The following VPS13B variants were observed in gnomAD, a reference collection of about 807,000 sequenced individuals.
VPS13B encodes intermembrane lipid transfer protein VPS13B.
In VPS13B, 285 loss-of-function variants were observed where a neutral mutation model predicts 426.4. The ratio of observed to expected loss-of-function variants is 0.67; its 90% CI spans 0.61 to 0.74. The LOEUF (loss-of-function observed/expected upper bound fraction) is 0.74, where lower values mean the gene tolerates loss of function less well. Ranked by LOEUF, VPS13B falls within the 30% of genes least tolerant of loss-of-function variation. The pLI is 0.00. For missense variants in VPS13B, 4,537 were observed against 4,782.6 expected, an observed-to-expected ratio of 0.95 and a Z score of 1.51; for synonymous variants, 1,676 against 1,676.4, an observed-to-expected ratio of 1.00 and a Z score of 0.01.
At chr8:99,344,783 T>C (rs1811447792) in intron 19 of VPS13B, among the ~76,000 whole-genome samples, 1 of 152,122 alleles carries the variant, frequency 6.6e-6, no homozygotes, top group African/African-American at 2.4e-5. Context: ...AGATTCTAAT[T>C]CTTGGCAATT....
intron 21 of VPS13B, among the ~76,000 whole-genome samples, chr8:99,410,488 C>T (rs1017365848): frequency 3.9e-5 from 6 of 152,022 alleles, no homozygotes; most frequent in African/African-American, 1.4e-4. Flanking sequence ...TGGAATCTTT[C>T]CTGCCAATAT....
intron 35 of VPS13B, among the ~76,000 whole-genome samples, chr8:99,682,972 A>G (rs987137977): frequency 1.3e-5 from 2 of 152,120 alleles, no homozygotes; most frequent in African/African-American, 2.4e-5. Context: ...ATTTTCTCCT[A>G]TGTTTTCTTC....
chr8:99,758,857 A>G (rs1211750648), intron 39 of VPS13B, among the ~76,000 whole-genome samples: 1 of 152,004 alleles, frequency 6.6e-6, no homozygotes, highest in Non-Finnish European at 1.5e-5. Flanking sequence ...ACTTTGAATA[A>G]AATTTTGCTG....
At chr8:99,486,287 G>A (rs1170090628) in intron 25 of VPS13B, among the ~76,000 whole-genome samples, 1 of 151,828 alleles carries the variant, frequency 6.6e-6, no homozygotes, top group African/African-American at 2.4e-5. Context: ...GTGCAGTGGC[G>A]CGATCTCGGC....
At chr8:99,420,547 T>C (rs951506759) in intron 21 of VPS13B, among the ~76,000 whole-genome samples, 1 of 152,172 alleles carries the variant, frequency 6.6e-6, no homozygotes, top group African/African-American at 2.4e-5. Flanking sequence ...TTCTATCTAA[T>C]TGGTGGCATG....
At chr8:99,493,404 T>G (rs1403830035) in intron 25 of VPS13B, among the ~76,000 whole-genome samples, 1 of 152,162 alleles carries the variant, frequency 6.6e-6, no homozygotes, top group African/African-American at 2.4e-5. Flanking sequence ...AAAAGTAATC[T>G]TAATTGAAAA....
chr8:99,417,328 C>A (rs1816078822), intron 21 of VPS13B, among the ~76,000 whole-genome samples: 1 of 152,154 alleles, frequency 6.6e-6, no homozygotes, highest in African/African-American at 2.4e-5. Flanking sequence ...CATAATTCTA[C>A]ATAAAAATCA....
intron 19 of VPS13B, among the ~76,000 whole-genome samples, chr8:99,361,537 C>G (rs1284556351): frequency 1.3e-5 from 2 of 152,254 alleles, no homozygotes; most frequent in Non-Finnish European, 2.9e-5. Context: ...TAAAGACCAG[C>G]TTGATTAAAT....
chr8:99,232,003 T>C (rs1310604862), intron 17 of VPS13B, among the ~76,000 whole-genome samples: 2 of 152,206 alleles, frequency 1.3e-5, no homozygotes, highest in Non-Finnish European at 2.9e-5. Context: ...ACAAGTACCA[T>C]TGACTCTTGT....
At chr8:99,041,734 T>C (rs1426165731) in intron 3 of VPS13B, among the ~76,000 whole-genome samples, 2 of 151,838 alleles carry the variant, frequency 1.3e-5, no homozygotes, top group African/African-American at 4.8e-5. Flanking sequence ...GCGCCTGTAG[T>C]CCCAGCTACT....
At chr8:99,493,052 G>A (rs181859329) in intron 25 of VPS13B, among the ~76,000 whole-genome samples, 164 of 152,282 alleles carry the variant, frequency 1.1e-3, no homozygotes, top group Middle Eastern at 3.4e-3. Flanking sequence ...TTCTCTTAAT[G>A]TGACTAATTA....
intron 19 of VPS13B, among the ~76,000 whole-genome samples, chr8:99,320,644 G>C (rs1809925274): frequency 6.6e-6 from 1 of 152,104 alleles, no homozygotes; most frequent in African/African-American, 2.4e-5. Flanking sequence ...TCGTTTATTT[G>C]GCAGAGAAAG....
chr8:99,785,292 G>T (rs1466201835), intron 43 of VPS13B, among the ~76,000 whole-genome samples: 2 of 152,132 alleles, frequency 1.3e-5, no homozygotes, highest in Non-Finnish European at 2.9e-5. Flanking sequence ...GTGATTAAAA[G>T]AAAGTCATTA....
At chr8:99,770,792 A>G (rs1017277319) in intron 40 of VPS13B, among the ~76,000 whole-genome samples, 1 of 152,212 alleles carries the variant, frequency 6.6e-6, no homozygotes, top group Non-Finnish European at 1.5e-5. Flanking sequence ...GGTGCAGTCC[A>G]GAAAGCTCCC....
intron 19 of VPS13B, among the ~76,000 whole-genome samples, chr8:99,286,949 T>G (rs575605802): frequency 6.6e-6 from 1 of 152,168 alleles, no homozygotes. Context: ...TCTGTTGACC[T>G]TAACTTGAGT....
chr8:99,163,032 A>T (rs1263504194), intron 15 of VPS13B, among the ~76,000 whole-genome samples: 2 of 152,202 alleles, frequency 1.3e-5, no homozygotes, highest in Non-Finnish European at 1.5e-5. Flanking sequence ...AGGCCCCACC[A>T]GAGCGGCTAG....
chr8:99,469,188 G>A (rs1279269212), intron 24 of VPS13B, among the ~76,000 whole-genome samples: 1 of 47,226 alleles, frequency 2.1e-5, no homozygotes, highest in Non-Finnish European at 4.4e-5. Flanking sequence ...TTTTTTTTTT[G>A]ACACAGGGTC....
intron 24 of VPS13B, among the ~76,000 whole-genome samples, chr8:99,470,034 C>T (rs976696556): frequency 2.8e-4 from 43 of 152,128 alleles, no homozygotes; most frequent in Admixed American, 6.6e-4. Flanking sequence ...CCTACTGATA[C>T]CTTGATTTTG....
intron 39 of VPS13B, among the ~76,000 whole-genome samples, chr8:99,758,195 G>A (rs755861812): frequency 6.6e-6 from 1 of 152,104 alleles, no homozygotes; most frequent in Non-Finnish European, 1.5e-5. Flanking sequence ...GTTATTCCTT[G>A]AGAATAATTA....
Sources: allele counts gnomAD v4.1 joint callset (sites outside exome capture counted in the v4.1 genomes callset), GRCh38; gene constraint gnomAD v4.1.1; transcripts MANE v1.5; gene names NCBI Gene and HGNC (gene_info 2026-07-23, HGNC 2026-07-21).